Variants in TAB2 observed in about 807,000 individuals in gnomAD.
TAB2 encodes TGF-beta-activated kinase 1 and MAP3K7-binding protein 2.
A neutral mutation model predicts 65.0 loss-of-function variants in TAB2; 3 were observed. The ratio of observed to expected loss-of-function variants is 0.05; its 90% CI spans 0.02 to 0.12. The LOEUF is 0.12. TAB2 is among the 10% of genes least tolerant of loss of function. The pLI is 1.00. For synonymous variants in TAB2, 298 were observed against 285.1 expected, an observed-to-expected ratio of 1.05 and a Z score of -0.46; for missense variants, 623 against 840.3, an observed-to-expected ratio of 0.74 and a Z score of 3.20.
chr6:149,403,308 A>ATT (rs1306722610), intron 6 of TAB2, among the ~76,000 whole-genome samples: 1 of 69,626 alleles, frequency 1.4e-5, no homozygotes, highest in Non-Finnish European at 3.0e-5. Flanking sequence ...ATATATATAT[A>ATT]TATATACACA....
intron 1 of TAB2, among the ~76,000 whole-genome samples, chr6:149,364,073 C>G (rs890776285): frequency 1.9e-4 from 29 of 152,308 alleles, no homozygotes; most frequent in African/African-American, 6.7e-4. Context: ...TTCCACTTCT[C>G]TCTACCTAGT....
At chr6:149,250,066 C>G (rs1449664578) in intron 1 of TAB2, among the ~76,000 whole-genome samples, 1 of 152,008 alleles carries the variant, frequency 6.6e-6, no homozygotes, top group East Asian at 1.9e-4. Flanking sequence ...CATAGCAAAA[C>G]TCAATGAGAA....
chr6:149,300,901 C>A (rs192317200), intron 1 of TAB2, among the ~76,000 whole-genome samples: 1 of 152,340 alleles, frequency 6.6e-6, no homozygotes, highest in East Asian at 1.9e-4. Flanking sequence ...CCTGACTCAG[C>A]TACTCAAGCG....
chr6:149,263,641 G>A (rs1026071384), intron 1 of TAB2, among the ~76,000 whole-genome samples: 1 of 152,192 alleles, frequency 6.6e-6, no homozygotes, highest in Admixed American at 6.5e-5. Context: ...TGAACGGCAT[G>A]AACAAAGTTT....
chr6:149,250,247 C>A (rs1777830552), intron 1 of TAB2, among the ~76,000 whole-genome samples: 1 of 151,918 alleles, frequency 6.6e-6, no homozygotes, highest in South Asian at 2.1e-4. Context: ...GATTTTTATG[C>A]CATACAGGAA....
At chr6:149,268,678 C>A (rs572792010) in intron 1 of TAB2, among the ~76,000 whole-genome samples, 93 of 152,314 alleles carry the variant, frequency 6.1e-4, no homozygotes, top group African/African-American at 2.1e-3. Flanking sequence ...TATTTATTTT[C>A]TTCCTTTCGT....
intron 1 of TAB2, among the ~76,000 whole-genome samples, chr6:149,358,303 A>G (rs1330872520): frequency 6.6e-6 from 1 of 151,882 alleles, no homozygotes. Context: ...CCTGAAGGTA[A>G]TTTTATACAG....
chr6:149,397,659 T>A lies in TAB2; in HGVS notation c.1659T>A (p.Ile553=), dbSNP rs151010701. The A allele has an allele frequency of 1.2e-6, 2 of 1,613,934 alleles. No individual in the cohort carries two copies. Among genetic ancestry groups the A allele is most frequent in the Non-Finnish European group, 1.7e-6 (2 of 1,180,006 alleles). The change falls in exon 4 of 7, where the codon ATT becomes ATA. Residue 553 remains isoleucine, a synonymous_variant. Coordinates refer to ENST00000637181, the MANE Select transcript of TAB2 (RefSeq NM_001292034.3). ...AACGACTTCAAAGAGAACTTGAGAT[T>A]CAAAAGAAAAAGCTGGATAAATTAA... ...RMERLQRELE[I]QKKKLDKLKS...
At chr6:149,307,908 ACT>A (rs1779097490) in intron 1 of TAB2, among the ~76,000 whole-genome samples, 1 of 152,178 alleles carries the variant, frequency 6.6e-6, no homozygotes, top group Non-Finnish European at 1.5e-5. Flanking sequence ...ATCTTTCCAG[ACT>A]TTTTTCTATA....
chr6:149,220,117 A>T (rs533176694), intron 1 of TAB2, among the ~76,000 whole-genome samples: 24 of 152,368 alleles, frequency 1.6e-4, no homozygotes, highest in African/African-American at 5.5e-4. Context: ...GGTTGACTTA[A>T]TAGAAGACAG....
chr6:149,401,637 A>G, intron 6 of TAB2, among the ~76,000 whole-genome samples: 1 of 152,158 alleles, frequency 6.6e-6, no homozygotes, highest in Non-Finnish European at 1.5e-5. Flanking sequence ...ATAATAGAAT[A>G]TCCAGGCAGA....
intron 1 of TAB2, among the ~76,000 whole-genome samples, chr6:149,248,774 G>A (rs923847470): frequency 6.6e-6 from 1 of 152,162 alleles, no homozygotes; most frequent in African/African-American, 2.4e-5. Context: ...CAGCCCCCCA[G>A]TGCTGCTGTC....
intron 3 of TAB2, among the ~76,000 whole-genome samples, chr6:149,380,670 G>GT (rs943280264): frequency 1.3e-5 from 2 of 152,188 alleles, no homozygotes; most frequent in Non-Finnish European, 2.9e-5. Context: ...GCCTTTTAGA[G>GT]TAAGGGCATA....
chr6:149,253,539 G>C (rs967877134), intron 1 of TAB2, among the ~76,000 whole-genome samples: 1 of 143,488 alleles, frequency 7.0e-6, no homozygotes, highest in Non-Finnish European at 1.5e-5. Flanking sequence ...AGAATCACTT[G>C]AACCTGGGAG....
At chr6:149,317,530 C>G (rs1485729597), upstream of TAB2, 1 of 156,730 alleles carries the variant, frequency 6.4e-6, no homozygotes, top group African/African-American at 2.4e-5. The surrounding 1 kb of genome is among the most constrained non-coding windows in gnomAD (Gnocchi z 4.7). Context: ...CCGGCCGCCG[C>G]GCCGCCATAT....
At chr6:149,398,971 G>A (rs910424189) in intron 5 of TAB2, 133 bp from the exon 6 acceptor site, 14 of 727,520 alleles carry the variant, frequency 1.9e-5, no homozygotes, top group South Asian at 1.3e-4. Context: ...CATATAATTC[G>A]AGGTTAGAGG....
intron 1 of TAB2, among the ~76,000 whole-genome samples, chr6:149,307,247 A>G (rs1779088477): frequency 6.6e-6 from 1 of 152,200 alleles, no homozygotes; most frequent in Non-Finnish European, 1.5e-5. Context: ...CAAAGCCAAG[A>G]ACTCTATGTC....
At position 149,379,162 on chromosome 6, in the gene TAB2, C is replaced by G. The variant is rs751840872; in HGVS notation, c.1247C>G (p.Ser416Cys). The change falls in exon 3 of 7, where the codon TCT becomes TGT. Residue 416 changes from serine (S) to cysteine (C), a missense_variant. By Grantham distance (112) the Ser-to-Cys change is moderately radical (BLOSUM62 -1). Transcript: ENST00000637181. ...TLFISTNSGASAASRNMSGQV... is the reference protein window; with the variant it reads ...TLFISTNSGACAASRNMSGQV... ...TTCATATCCACAAACTCTGGAGCAT[C>G]TGCTGCCTCCAGGAACATGTCTGGG... 9 of 1,614,236 alleles carry G rather than the reference C, an allele frequency of 5.6e-6. No individual in the cohort carries two copies. The Admixed American group carries it at 1.5e-4, about 27-fold the overall frequency.
intron 1 of TAB2, among the ~76,000 whole-genome samples, chr6:149,301,952 A>C (rs2114703939): frequency 6.6e-6 from 1 of 152,332 alleles, no homozygotes; most frequent in Non-Finnish European, 1.5e-5. Context: ...TACAATTTGT[A>C]AAATAACTTC....
Sources: allele counts gnomAD v4.1 joint callset (sites outside exome capture counted in the v4.1 genomes callset), GRCh38; gene constraint gnomAD v4.1.1; non-coding constraint Gnocchi (gnomAD v3.1); transcripts MANE v1.5; gene names NCBI Gene and HGNC (gene_info 2026-07-23, HGNC 2026-07-21).